Variants in PCDHGA4 observed in about 807,000 individuals in gnomAD.
The protein encoded by PCDHGA4 is protocadherin gamma subfamily A, 4.
Under a neutral mutation model 54.6 loss-of-function variants are expected in PCDHGA4, and 38 were observed. That is an observed-to-expected ratio of 0.70 (90% CI 0.54 to 0.91). The LOEUF (loss-of-function observed/expected upper bound fraction) is 0.91. Among genes scored for constraint, PCDHGA4 ranks in the 40% least tolerant of loss-of-function variants. PCDHGA4 has a pLI of 0.00. For synonymous variants in PCDHGA4, 511 were observed against 512.9 expected (o/e 1.00, Z 0.05); for missense variants, 1,298 against 1,220.9 (o/e 1.06, Z -0.94).
intron 1 of PCDHGA4, chr5:141,376,026 A>T: frequency 6.2e-7 from 1 of 1,613,128 alleles, no homozygotes; most frequent in African/African-American, 1.3e-5. Context: ...GCCGTCCAGG[A>T]CCACGGCCAG....
chr5:141,369,901 T>G (rs1766552570), intron 1 of PCDHGA4, among the ~76,000 whole-genome samples: 1 of 152,190 alleles, frequency 6.6e-6, no homozygotes, highest in Admixed American at 6.5e-5. Context: ...TTATGACCAT[T>G]TTATGAAAAT....
intron 1 of PCDHGA4, chr5:141,400,141 A>G (rs763561348): frequency 1.9e-6 from 3 of 1,614,020 alleles, no homozygotes; most frequent in Non-Finnish European, 8.5e-7. Flanking sequence ...GCCGGATATC[A>G]CTGACCGCCC....
intron 1 of PCDHGA4, among the ~76,000 whole-genome samples, chr5:141,387,526 G>C (rs186607627): frequency 2.0e-5 from 3 of 152,206 alleles, no homozygotes; most frequent in African/African-American, 7.2e-5. Context: ...ATATACAGAC[G>C]TATCCACGTA....
chr5:141,384,089 C>T, intron 1 of PCDHGA4: 1 of 1,596,318 alleles, frequency 6.3e-7, no homozygotes, highest in South Asian at 1.1e-5. Context: ...TTAGAAAAAT[C>T]AATAGATAAT....
intron 1 of PCDHGA4, chr5:141,375,869 A>G (rs767048735): frequency 1.2e-6 from 2 of 1,613,850 alleles, no homozygotes; most frequent in Admixed American, 1.7e-5. Context: ...GGCGGTGGAC[A>G]GAGACTCGGG....
At chr5:141,400,547 C>A (rs534226736) in intron 1 of PCDHGA4, 12 of 1,613,676 alleles carry the variant, frequency 7.4e-6, no homozygotes, top group African/African-American at 2.7e-5. Flanking sequence ...TATGTCTATT[C>A]TTTTTCATTA....
At chr5:141,400,097 A>C (rs753507768) in intron 1 of PCDHGA4, 1 of 1,614,048 alleles carries the variant, frequency 6.2e-7, no homozygotes, top group South Asian at 1.1e-5. Context: ...GCCACGCTGC[A>C]CTTGGTCTTT....
chr5:141,376,545 A>T, intron 1 of PCDHGA4: 2 of 1,612,680 alleles, frequency 1.2e-6, no homozygotes, highest in Non-Finnish European at 8.5e-7. Flanking sequence ...GAGTAATCTG[A>T]TCTTCCCGCA....
chr5:141,409,647 G>A, intron 1 of PCDHGA4: 2 of 1,613,668 alleles, frequency 1.2e-6, no homozygotes, highest in Non-Finnish European at 1.7e-6. Context: ...CCGGATTTGG[G>A]GCTCAATGGC....
At chr5:141,402,391 T>C (rs1344810342) in intron 1 of PCDHGA4, among the ~76,000 whole-genome samples, 3 of 151,962 alleles carry the variant, frequency 2.0e-5, no homozygotes, top group African/African-American at 7.2e-5. Context: ...AAAAATTACT[T>C]CAGAAAATTG....
At chr5:141,385,831 G>A (rs1317215192) in intron 1 of PCDHGA4, 1 of 154,298 alleles carries the variant, frequency 6.5e-6, no homozygotes, top group Non-Finnish European at 1.4e-5. Flanking sequence ...CCTATTTACA[G>A]TATAATCATT....
Position 141,356,265 on chromosome 5 carries a change from A to T in PCDHGA4, c.1158A>T (p.Ser386=). The change falls in exon 1 of 4, where the codon TCA becomes TCT. Residue 386 remains serine, a synonymous_variant. Transcript: ENST00000571252. ...TCACAGTTACATCTCTCACCAGCTC[A>T]GTCCAGGAATCTTCTTCCCCGGGTA... ...PEVTVTSLTS[S]VQESSSPGTV... The T allele has an allele frequency of 1.3e-6, 2 of 1,564,982 alleles. No individual in the cohort carries two copies. Among genetic ancestry groups the T allele is most frequent in the Non-Finnish European group, 8.7e-7 (1 of 1,154,060 alleles).
chr5:141,430,622 A>T, intron 1 of PCDHGA4: 1 of 752,270 alleles, frequency 1.3e-6, no homozygotes, highest in Admixed American at 2.9e-5. Context: ...GATAGCTAGG[A>T]ATGAACCATC....
In PCDHGA4 at chr5:141,477,428, T is replaced by C; in HGVS notation, c.2515-17379T>C. On this transcript the variant is annotated intron_variant, in intron 1 of 3. Transcript: ENST00000571252. The surrounding 1 kb of genome is among the most constrained non-coding windows in gnomAD (Gnocchi z 4.9). ...CCGAGACGCCGGAACCCCTTCCCTC[T>C]CAGCCCTTACAATAGTGCGTGTTCA... The C allele has an allele frequency of 6.2e-7, 1 of 1,614,142 alleles. No individual in the cohort carries two copies. Among genetic ancestry groups the C allele is most frequent in the Non-Finnish European group, 8.5e-7 (1 of 1,180,036 alleles).
chr5:141,409,781 G>A lies in PCDHGA4; in HGVS notation c.2514+52160G>A, dbSNP rs753415525. On this transcript the variant is annotated intron_variant, in intron 1 of 3. Transcript: ENST00000571252. ...CGCCTTTGATCACGAGCAGCTGCGC[G>A]CCTTCGCGCTCACGCTGCAGGCCCG... is the stretch of plus-strand genomic sequence containing the variant. The A allele has an allele frequency of 8.7e-6, 14 of 1,612,178 alleles. No individual in the cohort carries two copies. The highest frequency in any genetic ancestry group is 6.7e-5 in the Admixed American group (4 of 59,882).
At chr5:141,408,917 C>G in intron 1 of PCDHGA4, 1 of 1,613,366 alleles carries the variant, frequency 6.2e-7, no homozygotes, top group South Asian at 1.1e-5. Flanking sequence ...CAATGATAAC[C>G]CCCCGGTTTT....
intron 1 of PCDHGA4, chr5:141,371,139 G>T: frequency 6.2e-7 from 1 of 1,614,022 alleles, no homozygotes; most frequent in South Asian, 1.1e-5. Context: ...CATGTACAGG[G>T]TCAATGTTGC....
chr5:141,445,075 A>G (rs1251499929), intron 1 of PCDHGA4, among the ~76,000 whole-genome samples: 1 of 152,170 alleles, frequency 6.6e-6, no homozygotes, highest in East Asian at 1.9e-4. Context: ...TTCTCATTAA[A>G]TTGTCCCTAC....
At chr5:141,423,711 T>C (rs1479409204) in intron 1 of PCDHGA4, 1 of 1,330,004 alleles carries the variant, frequency 7.5e-7, no homozygotes, top group Non-Finnish European at 9.6e-7. Flanking sequence ...GCACAAGTCT[T>C]TTAAGGAGAT....
Sources: allele counts gnomAD v4.1 joint callset (sites outside exome capture counted in the v4.1 genomes callset), GRCh38; gene constraint gnomAD v4.1.1; non-coding constraint Gnocchi (gnomAD v3.1); transcripts MANE v1.5; gene names NCBI Gene and HGNC (gene_info 2026-07-23, HGNC 2026-07-21).